DNAH7: variants seen among roughly 807,000 people sequenced by gnomAD.
The protein encoded by DNAH7 is axonemal beta dynein heavy chain 7.
DNAH7 carries 397 observed loss-of-function variants against 444.6 expected under a neutral mutation model. The observed-to-expected ratio is 0.89, with a 90% confidence interval of 0.82 to 0.97. DNAH7 has a LOEUF of 0.97. DNAH7 is among the 50% of genes least tolerant of loss of function. The pLI, the probability that DNAH7 is intolerant of heterozygous loss-of-function variation, is 0.00. For synonymous variants in DNAH7, 1,636 were observed against 1,624.4 expected, an observed-to-expected ratio of 1.01 and a Z score of -0.17; for missense variants, 4,902 against 4,800.8, an observed-to-expected ratio of 1.02 and a Z score of -0.62.
At chr2:195,997,887 G>T (rs560302695) in intron 12 of DNAH7, among the ~76,000 whole-genome samples, 1 of 152,106 alleles carries the variant, frequency 6.6e-6, no homozygotes, top group Non-Finnish European at 1.5e-5. Flanking sequence ...CCATCTTTAT[G>T]AATCTGTATC....
At chr2:196,028,234 G>C (rs1695813184) in intron 5 of DNAH7, among the ~76,000 whole-genome samples, 187 bp from the exon 6 acceptor site, 1 of 152,108 alleles carries the variant, frequency 6.6e-6, no homozygotes, top group Non-Finnish European at 1.5e-5. Flanking sequence ...TATTCATAGA[G>C]AGACAATTAT....
At chr2:195,777,759 C>T (rs1396162020) in intron 59 of DNAH7, 41 bp downstream of exon 59, 1 of 1,552,234 alleles carries the variant, frequency 6.4e-7, no homozygotes, top group Non-Finnish European at 8.8e-7. Context: ...AAAATAATTT[C>T]ATGTCTTACT....
intron 5 of DNAH7, among the ~76,000 whole-genome samples, chr2:196,042,739 G>A (rs1378083283): frequency 6.6e-6 from 1 of 152,048 alleles, no homozygotes; most frequent in Non-Finnish European, 1.5e-5. Flanking sequence ...TTCTTCATTT[G>A]TTGTTTGTAG....
intron 21 of DNAH7, among the ~76,000 whole-genome samples, chr2:195,931,003 T>A (rs1452933656): frequency 6.6e-6 from 1 of 151,906 alleles, no homozygotes; most frequent in South Asian, 2.1e-4. Context: ...CAGATGGGAA[T>A]GGCAACAATA....
intron 36 of DNAH7, among the ~76,000 whole-genome samples, chr2:195,879,306 C>T (rs1352915107): frequency 6.6e-6 from 1 of 151,900 alleles, no homozygotes; most frequent in Non-Finnish European, 1.5e-5. Flanking sequence ...TAAATGAAAA[C>T]AAAAAGAAAG....
chr2:196,068,414 T>C, intron 1 of DNAH7: 1 of 477,532 alleles, frequency 2.1e-6, no homozygotes, highest in South Asian at 3.7e-5. Flanking sequence ...ACACCGCCAT[T>C]AGCACTCTGG....
chr2:195,933,663 A>C (rs1688851799), intron 21 of DNAH7, among the ~76,000 whole-genome samples: 1 of 145,142 alleles, frequency 6.9e-6, no homozygotes, highest in African/African-American at 2.5e-5. Flanking sequence ...AAAACCAAAC[A>C]CCGCATGTTC....
At chr2:195,785,919 T>C (rs1390250657) in intron 58 of DNAH7, among the ~76,000 whole-genome samples, 11 of 152,198 alleles carry the variant, frequency 7.2e-5, no homozygotes, top group Admixed American at 6.5e-4. Context: ...GCATTTTTGC[T>C]CCCTTATTAG....
intron 46 of DNAH7, among the ~76,000 whole-genome samples, chr2:195,852,915 C>CACACACAGAG (rs1553537158): frequency 1.2e-5 from 1 of 84,584 alleles, no homozygotes; most frequent in Non-Finnish European, 3.1e-5. Context: ...CACACACACA[C>CACACACAGAG]AGAGAGAGAG....
At chr2:195,826,027 A>G (rs1444626475) in intron 48 of DNAH7, among the ~76,000 whole-genome samples, 2 of 152,218 alleles carry the variant, frequency 1.3e-5, no homozygotes, top group East Asian at 3.8e-4. Context: ...ATATGAATGC[A>G]TCATAATGTA....
intron 5 of DNAH7, among the ~76,000 whole-genome samples, chr2:196,040,795 A>G (rs140874787): frequency 6.6e-6 from 1 of 152,122 alleles, no homozygotes; most frequent in Non-Finnish European, 1.5e-5. Flanking sequence ...TTTGCAAATG[A>G]CATGATCTTA....
intron 30 of DNAH7, chr2:195,894,312 C>A (rs1702181512): frequency 6.6e-6 from 1 of 151,912 alleles, no homozygotes; most frequent in Admixed American, 6.6e-5. Context: ...AAGTAGATCA[C>A]AACAAATAAC....
chr2:195,950,851 C>CAAAA (rs67782183), intron 19 of DNAH7, among the ~76,000 whole-genome samples: 5,612 of 36,638 alleles, frequency 0.15, 1,257 homozygotes, highest in South Asian at 0.22. Flanking sequence ...GACTCTGTCT[C>CAAAA]AAAAAAAAAA....
chr2:195,790,496 T>C (rs1574438724), intron 57 of DNAH7, among the ~76,000 whole-genome samples: 3 of 146,284 alleles, frequency 2.1e-5, no homozygotes, highest in South Asian at 4.3e-4. Flanking sequence ...AACAGACACA[T>C]AGACCAATGG....
At chr2:195,861,678 T>C in intron 42 of DNAH7, 39 bp downstream of exon 42, 1 of 1,433,310 alleles carries the variant, frequency 7.0e-7, no homozygotes, top group South Asian at 1.2e-5. Flanking sequence ...TATTTTTAAT[T>C]GCCATAGCTT....
chr2:196,045,867 G>A (rs1697089384), intron 5 of DNAH7, among the ~76,000 whole-genome samples: 1 of 151,886 alleles, frequency 6.6e-6, no homozygotes, highest in African/African-American at 2.4e-5. Flanking sequence ...ATGATAAATA[G>A]GAAACATAAA....
Position 196,026,906 on chromosome 2 carries a change from G to C in DNAH7, c.521C>G (p.Thr174Arg). Reference sequence around the variant, plus strand: ...ATCTTCCATTGGGGCTACATGGTCTGTATCAATTCCATGGTGAATATAATA... The same window carrying C: ...ATCTTCCATTGGGGCTACATGGTCTCTATCAATTCCATGGTGAATATAATA... ...YYYYIHHGID[T>R]DHVAPMEDSW... Residue 174 changes from threonine to arginine, a missense_variant, in exon 7 of 65, where the codon ACA (threonine) becomes AGA (arginine). Thr to Arg is a moderately conservative substitution (Grantham distance 71). Coordinates refer to ENST00000312428, the MANE Select transcript of DNAH7 (RefSeq NM_018897.3). 1 of 1,611,074 alleles carries C rather than the reference G, an allele frequency of 6.2e-7. No homozygotes were observed. The highest frequency in any genetic ancestry group is 2.2e-5 in the East Asian group (1 of 44,708).
chr2:195,921,828 A>G (rs1195269731), intron 24 of DNAH7, among the ~76,000 whole-genome samples: 1 of 152,160 alleles, frequency 6.6e-6, no homozygotes, highest in Non-Finnish European at 1.5e-5. Flanking sequence ...AAAAGTCAGA[A>G]AGTTTCAGGA....
chr2:196,019,409 C>A, intron 8 of DNAH7, 114 bp from the exon 9 acceptor site: 2 of 761,204 alleles, frequency 2.6e-6, no homozygotes, highest in Non-Finnish European at 1.8e-6. Flanking sequence ...TATCCCTCAT[C>A]ATAATAACAA....
Sources: allele counts gnomAD v4.1 joint callset (sites outside exome capture counted in the v4.1 genomes callset), GRCh38; gene constraint gnomAD v4.1.1; transcripts MANE v1.5; gene names NCBI Gene and HGNC (gene_info 2026-07-23, HGNC 2026-07-21).